KMT5B: variants seen among roughly 807,000 people sequenced by gnomAD.
KMT5B encodes the protein lysine methyltransferase 5B.
In KMT5B, 10 loss-of-function variants were observed where a neutral mutation model predicts 83.2. The ratio of observed to expected loss-of-function variants is 0.12; its 90% CI spans 0.07 to 0.20. The LOEUF (loss-of-function observed/expected upper bound fraction) is 0.20. Among genes scored for constraint, KMT5B ranks in the 10% least tolerant of loss-of-function variants. KMT5B has a pLI of 1.00. For missense variants in KMT5B, 753 were observed against 1,067.2 expected, an observed-to-expected ratio of 0.71 and a Z score of 4.10; for synonymous variants, 349 against 388.8, an observed-to-expected ratio of 0.90 and a Z score of 1.20.
At chr11:68,203,351 C>G (rs1034644356) in intron 1 of KMT5B, among the ~76,000 whole-genome samples, 1 of 152,250 alleles carries the variant, frequency 6.6e-6, no homozygotes, top group Non-Finnish European at 1.5e-5. Flanking sequence ...TTTCTATTCT[C>G]AAACCAACTG....
chr11:68,181,772 A>G (rs1856955829), intron 3 of KMT5B, among the ~76,000 whole-genome samples: 1 of 152,226 alleles, frequency 6.6e-6, no homozygotes, highest in African/African-American at 2.4e-5. Flanking sequence ...TTGAAAACAT[A>G]TACCTTTCAC....
chr11:68,195,774 C>A (rs1050316958), intron 1 of KMT5B, among the ~76,000 whole-genome samples: 1 of 152,066 alleles, frequency 6.6e-6, no homozygotes, highest in Non-Finnish European at 1.5e-5. Context: ...TGAAAGAACA[C>A]AGAGCAGAAT....
chr11:68,170,430 T>A (rs2153051300), intron 9 of KMT5B, among the ~76,000 whole-genome samples: 1 of 152,272 alleles, frequency 6.6e-6, no homozygotes, highest in South Asian at 2.1e-4. Context: ...CCTGAGCCTG[T>A]GACGCTCCCT....
Position 68,167,123 on chromosome 11 carries a change from T to A in KMT5B, c.1033A>T (p.Ile345Phe). The A allele has an allele frequency of 6.2e-7, 1 of 1,614,010 alleles. No homozygotes were observed. The highest frequency in any genetic ancestry group is 8.5e-7 in the Non-Finnish European group (1 of 1,179,956). Residue 345 changes from isoleucine to phenylalanine, a missense_variant, in exon 10 of 11, where the codon ATC becomes TTC. Physicochemically the swap from Ile to Phe is conservative, Grantham distance 21. Around this residue, in one of 9 missense-constraint regions of KMT5B, gnomAD observed 16 missense variants for 16.1 expected, o/e 0.99. Transcript: ENST00000304363. ...RVGLPAPAPV[I>F]NSKYGLRETD... ...TCTCTGAGTCCATATTTGCTATTGATAACAGGAGCAGGCGCAGGCAGTCCC... is the reference window on the plus strand; with the variant it reads ...TCTCTGAGTCCATATTTGCTATTGAAAACAGGAGCAGGCGCAGGCAGTCCC...
chr11:68,175,212 T>C (rs1254197990), intron 4 of KMT5B, 29 bp from the exon 5 acceptor site: 8 of 1,588,264 alleles, frequency 5.0e-6, no homozygotes, highest in Non-Finnish European at 6.9e-6. Context: ...ATGAATGGGT[T>C]ATCTGCCACA....
At position 68,200,596 on chromosome 11, in the gene KMT5B, G is replaced by A. The variant is rs117113723; in HGVS notation, c.-76-10444C>T. On this transcript the variant is annotated intron_variant, in intron 1 of 10. Transcript: ENST00000304363. Reference sequence around the variant, plus strand: ...GACTCGCAGGCCAGAAAAGACAAATGTAAGTTAAAATTATGGAGTGGGAGG... The same window carrying A: ...GACTCGCAGGCCAGAAAAGACAAATATAAGTTAAAATTATGGAGTGGGAGG... Among the ~76,000 whole-genome samples the A allele has an allele frequency of 2.2e-4, 33 of 152,312 alleles. No homozygotes were observed. The East Asian group carries it at 5.4e-3, about 25-fold the overall frequency.
chr11:68,178,098 T>G (rs1485639549), intron 4 of KMT5B, among the ~76,000 whole-genome samples: 1 of 152,234 alleles, frequency 6.6e-6, no homozygotes, highest in African/African-American at 2.4e-5. Flanking sequence ...TAGTTCACTT[T>G]AAGCAAATGC....
intron 1 of KMT5B, among the ~76,000 whole-genome samples, chr11:68,199,288 G>A (rs185189315): frequency 2.3e-4 from 35 of 152,186 alleles, no homozygotes; most frequent in African/African-American, 7.2e-4. Context: ...AATGAATGTC[G>A]GCACCTTTTG....
chr11:68,188,740 C>T (rs748964489), intron 2 of KMT5B, among the ~76,000 whole-genome samples: 2 of 152,214 alleles, frequency 1.3e-5, no homozygotes, highest in Non-Finnish European at 2.9e-5. Context: ...AGGAGGCCAA[C>T]AGTGATTTCC....
chr11:68,162,119 GCAACCTGTCTACTCTT>G (rs1357784598), intron 10 of KMT5B, among the ~76,000 whole-genome samples: 6 of 152,138 alleles, frequency 3.9e-5, no homozygotes, highest in Non-Finnish European at 7.3e-5. Flanking sequence ...CAATGTCACT[GCAACCTGTCTACTCTT>G]CCCTGTCTCG....
chr11:68,193,276 C>T (rs1407097739), intron 1 of KMT5B, among the ~76,000 whole-genome samples: 1 of 152,232 alleles, frequency 6.6e-6, no homozygotes, highest in Non-Finnish European at 1.5e-5. Flanking sequence ...AAATTCTCAA[C>T]TACACCAGAC....
upstream of KMT5B, chr11:68,213,546 G>A (rs1359407385): frequency 6.6e-6 from 1 of 151,842 alleles, no homozygotes; most frequent in African/African-American, 2.4e-5. Flanking sequence ...CCAGGTCCGT[G>A]CGCCGCGCGG....
Position 68,171,570 on chromosome 11 carries a change from G to A in KMT5B, c.793C>T (p.Leu265=). Reference sequence around the variant, plus strand: ...TGGTTTATAAACGCAGCAGGACCCAGCCAGAGTTGAGCACAGTTTTTCCTT... The same window carrying A: ...TGGTTTATAAACGCAGCAGGACCCAACCAGAGTTGAGCACAGTTTTTCCTT... ...STRKNCAQLW[L]GPAAFINHDC... Residue 265 remains leucine (L), a synonymous_variant, in exon 7 of 11, where the codon CTG becomes TTG. Coordinates refer to ENST00000304363, the MANE Select transcript of KMT5B (RefSeq NM_017635.5). The surrounding 1 kb of genome is among the most constrained non-coding windows in gnomAD (Gnocchi z 5.1). The A allele has an allele frequency of 6.2e-7, 1 of 1,614,030 alleles. No homozygotes were observed. The highest frequency in any genetic ancestry group is 8.5e-7 in the Non-Finnish European group (1 of 1,179,988).
chr11:68,197,178 T>A (rs1306092025), intron 1 of KMT5B, among the ~76,000 whole-genome samples: 1 of 152,146 alleles, frequency 6.6e-6, no homozygotes, highest in Non-Finnish European at 1.5e-5. Context: ...TTTCACCATG[T>A]TGGCCAGGAT....
chr11:68,168,236 T>A (rs1227153812), intron 9 of KMT5B, among the ~76,000 whole-genome samples: 1 of 152,190 alleles, frequency 6.6e-6, no homozygotes, highest in Admixed American at 6.5e-5. Flanking sequence ...TATGGCCATT[T>A]TTTTCCTGTG....
At chr11:68,185,539 C>A (rs1268987467) in intron 3 of KMT5B, among the ~76,000 whole-genome samples, 1 of 152,154 alleles carries the variant, frequency 6.6e-6, no homozygotes, top group Admixed American at 6.6e-5. Flanking sequence ...CATGAGGATG[C>A]TCCTCCAGCT....
chr11:68,176,250 C>T (rs931901907), intron 4 of KMT5B, among the ~76,000 whole-genome samples: 10 of 152,096 alleles, frequency 6.6e-5, no homozygotes, highest in Non-Finnish European at 1.2e-4. Flanking sequence ...ATCAGCCACA[C>T]TGATGTCTTC....
At chr11:68,166,947 T>C in intron 10 of KMT5B, 35 bp downstream of exon 10, 2 of 1,607,716 alleles carry the variant, frequency 1.2e-6, no homozygotes, top group Non-Finnish European at 1.7e-6. Flanking sequence ...GAAAATACTT[T>C]TAAAAGATAT....
intron 1 of KMT5B, among the ~76,000 whole-genome samples, chr11:68,192,252 T>G (rs1858172735): frequency 6.6e-6 from 1 of 152,244 alleles, no homozygotes; most frequent in Non-Finnish European, 1.5e-5. Flanking sequence ...TTTCTCAGAA[T>G]GTGTGGTATC....
Sources: allele counts gnomAD v4.1 joint callset (sites outside exome capture counted in the v4.1 genomes callset), GRCh38; gene constraint gnomAD v4.1.1; regional missense constraint gnomAD v4.1.1; non-coding constraint Gnocchi (gnomAD v3.1); transcripts MANE v1.5; gene names NCBI Gene and HGNC (gene_info 2026-07-23, HGNC 2026-07-21).